GPC5: variants seen among roughly 807,000 people sequenced by gnomAD.
GPC5 encodes glypican-5.
GPC5 carries 47 observed loss-of-function variants against 53.9 expected under a neutral mutation model. That is an observed-to-expected ratio of 0.87 (90% CI 0.69 to 1.11). The LOEUF (loss-of-function observed/expected upper bound fraction) is 1.11. Ranked by LOEUF, GPC5 falls within the 50% of genes most tolerant of loss-of-function variation. The pLI is 0.00. For missense variants in GPC5, 748 were observed against 713.1 expected (o/e 1.05, Z -0.56); for synonymous variants, 286 against 263.3 (o/e 1.09, Z -0.84).
intron 2 of GPC5, among the ~76,000 whole-genome samples, chr13:91,506,666 GT>G (rs1884960106): frequency 6.6e-6 from 1 of 151,876 alleles, no homozygotes; most frequent in African/African-American, 2.4e-5. Flanking sequence ...ATTTGAAAAA[GT>G]CTAAAGACTT....
chr13:92,713,289 G>A (rs1442717410), intron 7 of GPC5, among the ~76,000 whole-genome samples: 2 of 151,892 alleles, frequency 1.3e-5, no homozygotes, highest in African/African-American at 4.8e-5. Flanking sequence ...TGGCAAACAA[G>A]GACATAAAAA....
At chr13:91,576,942 AT>A (rs1176952198) in intron 2 of GPC5, among the ~76,000 whole-genome samples, 6 of 149,342 alleles carry the variant, frequency 4.0e-5, no homozygotes, top group Non-Finnish European at 7.4e-5. Flanking sequence ...AAAAAAAAAA[AT>A]TTGTATGTGA....
At chr13:92,251,326 T>C (rs940163028) in intron 7 of GPC5, among the ~76,000 whole-genome samples, 8 of 152,076 alleles carry the variant, frequency 5.3e-5, no homozygotes, top group African/African-American at 1.9e-4. Context: ...AGGCTGAGTT[T>C]TGCAGTGGGA....
At chr13:92,101,358 C>T (rs1275640555) in intron 6 of GPC5, among the ~76,000 whole-genome samples, 1 of 152,090 alleles carries the variant, frequency 6.6e-6, no homozygotes, top group East Asian at 1.9e-4. Context: ...GCTTAGCAAC[C>T]CCATTCCTTG....
At chr13:92,057,670 T>G (rs920468184) in intron 6 of GPC5, among the ~76,000 whole-genome samples, 1 of 152,206 alleles carries the variant, frequency 6.6e-6, no homozygotes, top group Admixed American at 6.5e-5. Context: ...TATCTCATCA[T>G]AGCCTGCTGA....
Position 91,744,828 on chromosome 13 carries a change from T to C in GPC5, c.1155-11467T>C, listed in dbSNP as rs564612954. 3.9e-5 allele frequency among the ~76,000 whole-genome samples: 6 copies of C among 152,244 alleles called. No individual in the cohort carries two copies. In the East Asian group the frequency reaches 1.2e-3, roughly 29 times the overall value. ...AAGATTTGACCTAAAATACTGAATCTCAAACAGGTACTCAATAATGATTGT... is the reference window on the plus strand; with the variant it reads ...AAGATTTGACCTAAAATACTGAATCCCAAACAGGTACTCAATAATGATTGT... On this transcript the variant is annotated intron_variant, in intron 4 of 7. Transcript: ENST00000377067.
intron 5 of GPC5, among the ~76,000 whole-genome samples, chr13:91,801,690 CT>C (rs1316965517): frequency 6.6e-6 from 1 of 152,174 alleles, no homozygotes; most frequent in Non-Finnish European, 1.5e-5. Context: ...TTATTGAATG[CT>C]TCCTACGTAC....
chr13:91,707,781 T>C (rs963409944), intron 3 of GPC5, among the ~76,000 whole-genome samples: 2 of 152,154 alleles, frequency 1.3e-5, no homozygotes, highest in Non-Finnish European at 2.9e-5. Flanking sequence ...AGCTAGCATT[T>C]GACCCAGCTA....
chr13:91,743,250 T>G (rs1165212533), intron 4 of GPC5, among the ~76,000 whole-genome samples: 1 of 152,166 alleles, frequency 6.6e-6, no homozygotes, highest in Non-Finnish European at 1.5e-5. Flanking sequence ...ACAATTTTTT[T>G]TACTGAACTT....
intron 7 of GPC5, among the ~76,000 whole-genome samples, chr13:92,441,523 C>G (rs770236025): frequency 3.9e-5 from 6 of 152,148 alleles, no homozygotes; most frequent in Admixed American, 6.5e-5. Context: ...AAATTAGTAA[C>G]ATTTCTATAC....
intron 7 of GPC5, among the ~76,000 whole-genome samples, chr13:92,304,296 C>T (rs1250705901): frequency 1.3e-5 from 2 of 151,948 alleles, no homozygotes; most frequent in African/African-American, 2.4e-5. Flanking sequence ...GCTCCACCTC[C>T]TGGGTTCACA....
At chr13:92,004,396 G>GATTGCACC (rs1333131550) in intron 6 of GPC5, among the ~76,000 whole-genome samples, 2 of 143,080 alleles carry the variant, frequency 1.4e-5, no homozygotes, top group African/African-American at 5.2e-5. Flanking sequence ...AATGAGCTGA[G>GATTGCACC]ATTGCACCAC....
intron 6 of GPC5, among the ~76,000 whole-genome samples, chr13:91,989,087 G>A (rs903798276): frequency 1.1e-4 from 17 of 149,536 alleles, no homozygotes; most frequent in Admixed American, 1.1e-3. Flanking sequence ...ATTACCCTCC[G>A]CTGAACCACA....
chr13:92,647,491 G>A (rs1029041646), intron 7 of GPC5, among the ~76,000 whole-genome samples: 24 of 152,050 alleles, frequency 1.6e-4, no homozygotes, highest in African/African-American at 5.6e-4. Context: ...CAGTTGACAG[G>A]AACTAGAAAA....
At chr13:91,944,160 G>A (rs145354922) in intron 6 of GPC5, among the ~76,000 whole-genome samples, 3,203 of 151,568 alleles carry the variant, frequency 0.021, 102 homozygotes, top group African/African-American at 0.073. Flanking sequence ...CAGTGGTGCG[G>A]ACTCAGCTCA....
At chr13:91,588,629 C>A (rs55967676) in intron 2 of GPC5, among the ~76,000 whole-genome samples, 2 of 152,010 alleles carry the variant, frequency 1.3e-5, no homozygotes, top group Admixed American at 1.3e-4. Flanking sequence ...TACATCTTCA[C>A]CTATCCTTTC....
At chr13:92,856,353 A>G (rs1878999017) in intron 7 of GPC5, among the ~76,000 whole-genome samples, 1 of 152,084 alleles carries the variant, frequency 6.6e-6, no homozygotes, top group Non-Finnish European at 1.5e-5. Context: ...CCTGTAAAGA[A>G]GAGCCGTCTA....
At chr13:91,798,835 A>C (rs890666129) in intron 5 of GPC5, among the ~76,000 whole-genome samples, 2 of 152,140 alleles carry the variant, frequency 1.3e-5, no homozygotes, top group African/African-American at 4.8e-5. Flanking sequence ...TCCCACCATC[A>C]GTGTGAAAGT....
chr13:92,602,145 A>G (rs1884078600), intron 7 of GPC5, among the ~76,000 whole-genome samples: 1 of 145,984 alleles, frequency 6.9e-6, no homozygotes, highest in Admixed American at 6.9e-5. Flanking sequence ...ATATGTGTGT[A>G]TATATATACA....
Sources: allele counts gnomAD v4.1 joint callset (sites outside exome capture counted in the v4.1 genomes callset), GRCh38; gene constraint gnomAD v4.1.1; transcripts MANE v1.5; gene names NCBI Gene and HGNC (gene_info 2026-07-23, HGNC 2026-07-21).